The following SLC9D1 variants were observed in gnomAD, a reference collection of about 807,000 sequenced individuals.
The protein encoded by SLC9D1 is putative LAG1-interacting protein.
chr13:113,503,512 A>T, the SLC9D1 span: 1 of 1,612,730 alleles, frequency 6.2e-7, no homozygotes, highest in South Asian at 1.1e-5. Context: ...GTGCAAGTGG[A>T]GACATTAGGA....
chr13:113,492,660 G>A, the SLC9D1 span, among the ~76,000 whole-genome samples: 2 of 152,252 alleles, frequency 1.3e-5, 1 homozygote, highest in South Asian at 4.1e-4. Context: ...CACTTTGGGA[G>A]GCTGAGGTGG....
chr13:113,540,193 A>C, the SLC9D1 span, among the ~76,000 whole-genome samples: 1 of 152,306 alleles, frequency 6.6e-6, no homozygotes, highest in East Asian at 1.9e-4. Flanking sequence ...TGGCGCGGTG[A>C]TGAACGTGTG....
the SLC9D1 span, among the ~76,000 whole-genome samples, chr13:113,495,155 A>C: frequency 1.3e-5 from 2 of 152,218 alleles, no homozygotes; most frequent in Non-Finnish European, 2.9e-5. Flanking sequence ...ATGCCCAACC[A>C]ACATGGACTC....
the SLC9D1 span, chr13:113,495,703 T>A: frequency 1.9e-6 from 3 of 1,612,262 alleles, no homozygotes; most frequent in African/African-American, 4.0e-5. Flanking sequence ...GGGCGAGGGG[T>A]GGCTGCCATG....
At chr13:113,547,535 G>A in the SLC9D1 span, among the ~76,000 whole-genome samples, 1 of 152,216 alleles carries the variant, frequency 6.6e-6, no homozygotes, top group Non-Finnish European at 1.5e-5. Flanking sequence ...CCCCGGGGGA[G>A]GCAGATGTAG....
the SLC9D1 span, among the ~76,000 whole-genome samples, chr13:113,493,042 G>A: frequency 2.6e-5 from 4 of 152,344 alleles, no homozygotes; most frequent in East Asian, 7.7e-4. Context: ...CAAGTTTGAA[G>A]ATAAAATGAA....
At chr13:113,524,099 G>T in the SLC9D1 span, 1 of 454,484 alleles carries the variant, frequency 2.2e-6, no homozygotes, top group Non-Finnish European at 4.4e-6. Context: ...TTATTGTTGA[G>T]TGGAGTTTTT....
chr13:113,499,878 A>G, the SLC9D1 span: 8 of 799,542 alleles, frequency 1.0e-5, no homozygotes, highest in Non-Finnish European at 1.3e-5. Context: ...TATTTTTAAC[A>G]TTCTTCTGTT....
At chr13:113,522,658 G>T in the SLC9D1 span, among the ~76,000 whole-genome samples, 2 of 150,776 alleles carry the variant, frequency 1.3e-5, no homozygotes, top group African/African-American at 4.9e-5. Context: ...TTTTGAGATG[G>T]AGTCTCACTC....
chr13:113,517,487 C>G, the SLC9D1 span, among the ~76,000 whole-genome samples: 1 of 152,068 alleles, frequency 6.6e-6, no homozygotes, highest in Non-Finnish European at 1.5e-5. Context: ...CTTGGCCTCC[C>G]AAAGTGCTGG....
the SLC9D1 span, among the ~76,000 whole-genome samples, chr13:113,525,258 C>G: frequency 6.6e-6 from 1 of 152,174 alleles, no homozygotes. Context: ...CTGAACAATT[C>G]CTGTTGCCTA....
chr13:113,494,998 G>A, the SLC9D1 span, among the ~76,000 whole-genome samples: 1 of 152,206 alleles, frequency 6.6e-6, no homozygotes, highest in Admixed American at 6.5e-5. Context: ...ATTAGTAGCT[G>A]GGATTACAGG....
chr13:113,547,890 C>T, the SLC9D1 span, among the ~76,000 whole-genome samples: 1 of 100,898 alleles, frequency 9.9e-6, no homozygotes, highest in Admixed American at 9.2e-5. Flanking sequence ...ACCACTCCAC[C>T]AGCTCTTAGC....
chr13:113,522,314 T>C, the SLC9D1 span, among the ~76,000 whole-genome samples: 6 of 152,344 alleles, frequency 3.9e-5, no homozygotes, highest in Middle Eastern at 3.4e-3. Flanking sequence ...CCAATTGATA[T>C]GATTATGTAA....
the SLC9D1 span, among the ~76,000 whole-genome samples, chr13:113,540,575 C>G: frequency 6.6e-6 from 1 of 152,172 alleles, no homozygotes; most frequent in Non-Finnish European, 1.5e-5. Flanking sequence ...TCCCTATTTC[C>G]TAATGGGGCT....
At chr13:113,549,592 T>C in the SLC9D1 span, 9 of 1,611,196 alleles carry the variant, frequency 5.6e-6, no homozygotes, top group Non-Finnish European at 7.6e-6. Context: ...AGTGAGCGCT[T>C]AGATGGCCAG....
chr13:113,546,402 T>C, the SLC9D1 span, among the ~76,000 whole-genome samples: 20 of 151,184 alleles, frequency 1.3e-4, no homozygotes, highest in East Asian at 3.5e-3. The surrounding 1 kb of genome is among the most constrained non-coding windows in gnomAD (Gnocchi z 7.1). Context: ...GGAGTGGGCA[T>C]GGAGGGGGCA....
At chr13:113,529,948 T>C in the SLC9D1 span, 2 of 152,262 alleles carry the variant, frequency 1.3e-5, no homozygotes, top group African/African-American at 4.8e-5. Context: ...GCATTATTCG[T>C]ATAGTTAAAA....
chr13:113,525,449 A>G, the SLC9D1 span, among the ~76,000 whole-genome samples: 1 of 152,256 alleles, frequency 6.6e-6, no homozygotes, highest in African/African-American at 2.4e-5. Flanking sequence ...TGTATTTACT[A>G]TACTTTTTAT....
Sources: allele counts gnomAD v4.1 joint callset (sites outside exome capture counted in the v4.1 genomes callset), GRCh38; gene constraint gnomAD v4.1.1; non-coding constraint Gnocchi (gnomAD v3.1); transcripts MANE v1.5; gene names NCBI Gene and HGNC (gene_info 2026-07-23, HGNC 2026-07-21).